Variants in UBE2QL1 observed in about 807,000 individuals in gnomAD.
UBE2QL1 encodes the protein ubiquitin-conjugating enzyme E2Q-like protein 1.
In UBE2QL1, 5 loss-of-function variants were observed where a neutral mutation model predicts 12.6. The ratio of observed to expected loss-of-function variants is 0.40; its 90% CI spans 0.21 to 0.83. The LOEUF is 0.83. Among genes scored for constraint, UBE2QL1 ranks in the 40% least tolerant of loss-of-function variants. UBE2QL1 has a pLI of 0.37. For missense variants in UBE2QL1, 99 were observed against 222.6 expected (o/e 0.44, Z 3.53); for synonymous variants, 96 against 94.5 (o/e 1.02, Z -0.10).
intron 1 of UBE2QL1, among the ~76,000 whole-genome samples, chr5:6,470,713 T>C (rs1579294759): frequency 6.6e-6 from 1 of 152,212 alleles, no homozygotes; most frequent in African/African-American, 2.4e-5. Context: ...GCCAGCCCTG[T>C]CGGGTGACAG....
intron 1 of UBE2QL1, among the ~76,000 whole-genome samples, chr5:6,469,572 G>T (rs1319897454): frequency 6.8e-6 from 1 of 148,128 alleles, no homozygotes; most frequent in African/African-American, 2.5e-5. Flanking sequence ...GTGTGTGTGT[G>T]TGTGTGTATA....
At position 6,496,264 on chromosome 5, in the gene UBE2QL1, C is replaced by T. The variant is rs943438545; in HGVS notation, c.*4915C>T. ...ACTGGTGGTAAATTAAGTGACTGTC[C>T]TACTTTGTAGACATGCAATCGTTTT... is the stretch of plus-strand genomic sequence containing the variant. On this transcript the variant is annotated 3_prime_UTR_variant, in exon 2 of 2. Transcript: ENST00000399816. 1.1e-4 allele frequency among the ~76,000 whole-genome samples: 17 copies of T among 152,280 alleles called. No homozygotes were observed. Among genetic ancestry groups the T allele is most frequent in the African/African-American group, 3.4e-4 (14 of 41,572 alleles).
chr5:6,485,914 G>A (rs1734459755), intron 1 of UBE2QL1, among the ~76,000 whole-genome samples: 1 of 152,186 alleles, frequency 6.6e-6, no homozygotes. Flanking sequence ...GCAATATACT[G>A]AATTTGCCTG....
At chr5:6,450,378 G>T (rs550786207) in intron 1 of UBE2QL1, among the ~76,000 whole-genome samples, 3 of 152,338 alleles carry the variant, frequency 2.0e-5, no homozygotes, top group Non-Finnish European at 4.4e-5. Flanking sequence ...TGAGAGCAGG[G>T]TGAGTGCGTG....
chr5:6,459,612 A>G (rs1560928734), intron 1 of UBE2QL1, among the ~76,000 whole-genome samples: 1 of 152,252 alleles, frequency 6.6e-6, no homozygotes, highest in African/African-American at 2.4e-5. Flanking sequence ...ATTTAAATAC[A>G]GTTATCAGAA....
intron 1 of UBE2QL1, among the ~76,000 whole-genome samples, chr5:6,457,494 T>A (rs1366856269): frequency 6.6e-6 from 1 of 152,214 alleles, no homozygotes. Context: ...GCCAAATAGA[T>A]GTTTGCCACA....
rs76668308 is a variant in UBE2QL1, at chr5:6,471,684, G to A, written c.355-19534G>A. On this transcript the variant is annotated intron_variant, in intron 1 of 1. Coordinates refer to ENST00000399816, the MANE Select transcript of UBE2QL1 (RefSeq NM_001145161.3). ...AGCAAGCTCAGGTCCCTCGCACTCA[G>A]GGGTAGGAGGTCAAACAGGGAGTGA... Among the ~76,000 whole-genome samples the A allele has an allele frequency of 2.4e-3, 370 of 152,348 alleles. 1 individual carries two copies. The highest frequency in any genetic ancestry group is 8.6e-3 in the African/African-American group (357 of 41,578).
At chr5:6,459,890 T>C (rs1390070350) in intron 1 of UBE2QL1, among the ~76,000 whole-genome samples, 1 of 152,182 alleles carries the variant, frequency 6.6e-6, no homozygotes, top group Non-Finnish European at 1.5e-5. Context: ...TCAAAGTTAG[T>C]GAAAATGGAG....
At chr5:6,488,168 T>G (rs980314632) in intron 1 of UBE2QL1, among the ~76,000 whole-genome samples, 1 of 152,238 alleles carries the variant, frequency 6.6e-6, no homozygotes, top group African/African-American at 2.4e-5. Context: ...CTCCCAGCTG[T>G]GGAATTGACT....
intron 1 of UBE2QL1, among the ~76,000 whole-genome samples, chr5:6,455,040 A>G (rs1739491088): frequency 6.6e-6 from 1 of 152,232 alleles, no homozygotes; most frequent in Non-Finnish European, 1.5e-5. Context: ...AGCTCCTGGT[A>G]GAAGCTACTT....
intron 1 of UBE2QL1, among the ~76,000 whole-genome samples, chr5:6,468,396 G>A (rs1450878877): frequency 2.0e-5 from 3 of 152,204 alleles, no homozygotes; most frequent in African/African-American, 7.2e-5. Flanking sequence ...AGAGAAAGAG[G>A]GCAACCGGCA....
chr5:6,489,741 A>C lies in UBE2QL1; in HGVS notation c.355-1477A>C, dbSNP rs568146731. ...TGCCTTCCCACTGGAGTTGTCAGTG[A>C]GTTATCAGAGAGCCAGGATCAGGTG... On this transcript the variant is annotated intron_variant, in intron 1 of 1. Transcript: ENST00000399816. 5.3e-5 allele frequency among the ~76,000 whole-genome samples: 8 copies of C among 152,336 alleles called. No homozygotes were observed. In the South Asian group the frequency reaches 1.7e-3, roughly 32 times the overall value.
intron 1 of UBE2QL1, among the ~76,000 whole-genome samples, chr5:6,466,864 T>C (rs1276334231): frequency 2.0e-5 from 3 of 152,176 alleles, no homozygotes; most frequent in Non-Finnish European, 4.4e-5. Flanking sequence ...TCACGTGCCC[T>C]TGAAATGTCA....
At chr5:6,451,680 T>G (rs1480930672) in intron 1 of UBE2QL1, among the ~76,000 whole-genome samples, 1 of 152,212 alleles carries the variant, frequency 6.6e-6, no homozygotes, top group Non-Finnish European at 1.5e-5. Flanking sequence ...ATGTGTGGCA[T>G]ACATAAAATA....
chr5:6,457,326 C>T (rs1739546452), intron 1 of UBE2QL1, among the ~76,000 whole-genome samples: 1 of 152,008 alleles, frequency 6.6e-6, no homozygotes, highest in African/African-American at 2.4e-5. Flanking sequence ...GCTCCTCAAC[C>T]ACTCCTTCAA....
intron 1 of UBE2QL1, among the ~76,000 whole-genome samples, chr5:6,463,759 C>G (rs1739726575): frequency 6.8e-6 from 1 of 148,128 alleles, no homozygotes; most frequent in Admixed American, 6.7e-5. Flanking sequence ...TCCCGAGTAG[C>G]TGGGACTACA....
At chr5:6,488,136 A>T (rs1197537065) in intron 1 of UBE2QL1, among the ~76,000 whole-genome samples, 1 of 152,230 alleles carries the variant, frequency 6.6e-6, no homozygotes, top group African/African-American at 2.4e-5. Context: ...TGAGCCTCTG[A>T]CTGGCTCATA....
chr5:6,476,542 G>A lies in UBE2QL1; in HGVS notation c.355-14676G>A, dbSNP rs1200139281. Among the ~76,000 whole-genome samples the A allele has an allele frequency of 6.6e-6, 1 of 152,078 alleles. No individual in the cohort carries two copies. The highest frequency in any genetic ancestry group is 1.5e-5 in the Non-Finnish European group (1 of 68,008). On this transcript the variant is annotated intron_variant, in intron 1 of 1. Transcript: ENST00000399816. This position sits in a 1 kb window ranked among gnomAD's most constrained non-coding sequence, Gnocchi z 4.9. ...AATGACCTCAAAACGGAAACACCTG[G>A]GGGGCTCGGTTAAAGAGCCACATGC...
intron 1 of UBE2QL1, among the ~76,000 whole-genome samples, chr5:6,459,427 A>G (rs1156695187): frequency 1.3e-5 from 2 of 152,268 alleles, no homozygotes; most frequent in East Asian, 3.9e-4. Flanking sequence ...TGATCGGTCA[A>G]AGAGAAACAG....
Sources: allele counts gnomAD v4.1 joint callset (sites outside exome capture counted in the v4.1 genomes callset), GRCh38; gene constraint gnomAD v4.1.1; non-coding constraint Gnocchi (gnomAD v3.1); transcripts MANE v1.5; gene names NCBI Gene and HGNC (gene_info 2026-07-23, HGNC 2026-07-21).